Variants in KY observed in about 807,000 individuals in gnomAD.
The protein encoded by KY is kyphoscoliosis peptidase.
Under a neutral mutation model 76.1 loss-of-function variants are expected in KY, and 43 were observed. The ratio of observed to expected loss-of-function variants is 0.57; its 90% CI spans 0.44 to 0.73. KY has a LOEUF of 0.73. KY is among the 30% of genes least tolerant of loss of function. The pLI, the probability that KY is intolerant of heterozygous loss-of-function variation, is 0.00. For missense variants in KY, 722 were observed against 828.9 expected, an observed-to-expected ratio of 0.87 and a Z score of 1.58; for synonymous variants, 277 against 326.2, an observed-to-expected ratio of 0.85 and a Z score of 1.63.
intron 4 of KY, among the ~76,000 whole-genome samples, chr3:134,628,761 A>G (rs1250734651): frequency 6.6e-6 from 1 of 152,118 alleles, no homozygotes; most frequent in Non-Finnish European, 1.5e-5. Context: ...TCCTTCTTTT[A>G]TAGTTGACAA....
rs1199111959 is a variant in KY at position 134,643,377 on chromosome 3, T to G, written c.201A>C (p.Glu67Asp). ...WQKLEGNDFH[E>D]NLVEKQHPQQ... ...GAGGGTGCTGCTTCTCCACCAAGTT[T>G]TCTATTTAAGGAAGACAGAGAGGCC... Residue 67 changes from glutamate to aspartate, a missense_variant and splice_region_variant, in exon 3 of 11, where the codon GAA becomes GAC. Transcript: ENST00000423778. The G allele has an allele frequency of 6.2e-7, 1 of 1,613,756 alleles. No homozygotes were observed. The highest frequency in any genetic ancestry group is 1.7e-5 in the Admixed American group (1 of 59,998).
intron 10 of KY, chr3:134,607,293 T>C: frequency 3.0e-6 from 3 of 985,502 alleles, no homozygotes; most frequent in Non-Finnish European, 2.4e-6. Context: ...GCTCAGCAAC[T>C]TGGCAAAGGA....
chr3:134,622,304 A>G (rs914689534), intron 6 of KY, among the ~76,000 whole-genome samples: 11 of 152,248 alleles, frequency 7.2e-5, no homozygotes, highest in Non-Finnish European at 1.0e-4. Context: ...CAAAAGGTTA[A>G]AAAACATCCA....
At chr3:134,627,480 G>A (rs7642559) in intron 5 of KY, among the ~76,000 whole-genome samples, 3,930 of 152,212 alleles carry the variant, frequency 0.026, 74 homozygotes, top group South Asian at 0.053. Context: ...CCTGAATTAC[G>A]ATTTTAATAT....
At chr3:134,613,994 TG>T (rs1322617587) in intron 8 of KY, among the ~76,000 whole-genome samples, 1 of 152,072 alleles carries the variant, frequency 6.6e-6, no homozygotes, top group African/African-American at 2.4e-5. Flanking sequence ...CGCAACACAA[TG>T]TAACAACATA....
chr3:134,622,380 A>G (rs944365115), intron 6 of KY, among the ~76,000 whole-genome samples: 2 of 152,232 alleles, frequency 1.3e-5, no homozygotes, highest in Non-Finnish European at 2.9e-5. Context: ...TTATTCAACT[A>G]CAAAAAGAAG....
At chr3:134,630,782 A>C (rs1964106136) in intron 3 of KY, among the ~76,000 whole-genome samples, 1 of 152,244 alleles carries the variant, frequency 6.6e-6, no homozygotes, top group Non-Finnish European at 1.5e-5. Flanking sequence ...TAATTTGAAA[A>C]GGAAAAGATA....
intron 3 of KY, among the ~76,000 whole-genome samples, chr3:134,634,363 T>C (rs1331510104): frequency 1.3e-5 from 2 of 152,106 alleles, no homozygotes; most frequent in Non-Finnish European, 2.9e-5. Flanking sequence ...AATGAAAAGC[T>C]GTAATCACAA....
chr3:134,635,493 T>TGAA (rs1553814998), intron 3 of KY, among the ~76,000 whole-genome samples: 1 of 79,352 alleles, frequency 1.3e-5, no homozygotes, highest in African/African-American at 4.9e-5. Context: ...CGAGACTCTG[T>TGAA]AAAAAAAAAA....
At chr3:134,631,155 T>C (rs1964175973) in intron 3 of KY, among the ~76,000 whole-genome samples, 1 of 152,286 alleles carries the variant, frequency 6.6e-6, no homozygotes, top group African/African-American at 2.4e-5. Context: ...AATAATATGA[T>C]GCAGAAAAAA....
chr3:134,649,781 C>T (rs988260798), intron 1 of KY, among the ~76,000 whole-genome samples: 3 of 152,242 alleles, frequency 2.0e-5, no homozygotes. Flanking sequence ...CCATCCACAG[C>T]AGCATTACTT....
At chr3:134,625,276 G>A in intron 5 of KY, 141 bp from the exon 6 acceptor site, 1 of 709,714 alleles carries the variant, frequency 1.4e-6, no homozygotes, top group Non-Finnish European at 2.4e-6. Flanking sequence ...GAGCCTAAGA[G>A]CTATATGGGA....
intron 1 of KY, among the ~76,000 whole-genome samples, 198 bp from the exon 2 acceptor site, chr3:134,647,695 C>A (rs1966598916): frequency 6.6e-6 from 1 of 152,190 alleles, no homozygotes; most frequent in Non-Finnish European, 1.5e-5. Flanking sequence ...ACTGTTAAAA[C>A]AGTTTTCAAG....
At chr3:134,640,779 C>A (rs542079482) in intron 3 of KY, among the ~76,000 whole-genome samples, 56 of 152,334 alleles carry the variant, frequency 3.7e-4, no homozygotes, top group African/African-American at 1.3e-3. Context: ...AGGTCCCAAG[C>A]CTTGACTCCT....
intron 3 of KY, among the ~76,000 whole-genome samples, chr3:134,642,295 G>A (rs1046223429): frequency 7.2e-5 from 11 of 152,188 alleles, no homozygotes; most frequent in African/African-American, 2.4e-4. Flanking sequence ...GGGCATGGGG[G>A]AAATCACTGC....
At chr3:134,650,712 G>A (rs1342472280) in intron 1 of KY, 113 bp downstream of exon 1, 1 of 996,306 alleles carries the variant, frequency 1.0e-6, no homozygotes, top group Non-Finnish European at 1.4e-6. Context: ...GGAGAGGGTC[G>A]GGTTCGCTGA....
At chr3:134,617,524 C>A (rs184879484) in intron 8 of KY, among the ~76,000 whole-genome samples, 32 of 152,288 alleles carry the variant, frequency 2.1e-4, no homozygotes, top group Admixed American at 2.0e-3. Flanking sequence ...TTCCTGTATG[C>A]ACAGAACACA....
At chr3:134,612,781 G>C (rs866788480) in intron 8 of KY, among the ~76,000 whole-genome samples, 1 of 151,058 alleles carries the variant, frequency 6.6e-6, no homozygotes, top group East Asian at 2.0e-4. Context: ...GTGTGTGTGT[G>C]TGTGTGTGTG....
intron 2 of KY, among the ~76,000 whole-genome samples, chr3:134,647,219 C>T (rs139905763): frequency 7.9e-4 from 121 of 152,332 alleles, no homozygotes; most frequent in Non-Finnish European, 1.5e-3. Context: ...TGGCACTGCT[C>T]TTCAGCCACA....
Sources: gnomAD v4.1 joint callset for allele counts (sites outside exome capture counted in the v4.1 genomes callset) on GRCh38, gnomAD v4.1.1 for gene constraint, MANE v1.5 for transcripts, NCBI Gene and HGNC (gene_info 2026-07-23, HGNC 2026-07-21) for gene names.